PRKN: variants seen among roughly 807,000 people sequenced by gnomAD.
PRKN encodes parkin RBR E3 ubiquitin protein ligase, also known as E3 ubiquitin-protein ligase parkin.
A neutral mutation model predicts 59.5 loss-of-function variants in PRKN; 56 were observed. The observed-to-expected ratio is 0.94, with a 90% confidence interval of 0.76 to 1.18. The LOEUF (loss-of-function observed/expected upper bound fraction) is 1.18, where lower values mean the gene tolerates loss of function less well. Ranked by LOEUF, PRKN falls within the 50% of genes most tolerant of loss-of-function variation. The probability of loss-of-function intolerance (pLI) is 0.00; values close to 1 mark genes in which losing one functional copy is unlikely to be tolerated. For missense variants in PRKN, 657 were observed against 596.4 expected (o/e 1.10, Z -1.06); for synonymous variants, 250 against 222.1 (o/e 1.13, Z -1.12).
At position 161,530,512 on chromosome 6, in the gene PRKN, T is replaced by C. The variant is rs980783854; in HGVS notation, c.1083+18342A>G. On this transcript the variant is annotated intron_variant, in intron 9 of 11. Coordinates refer to ENST00000366898, the MANE Select transcript of PRKN (RefSeq NM_004562.3). The surrounding 1 kb of genome is among the most constrained non-coding windows in gnomAD (Gnocchi z 5.0). ...GACCTATACGGCTTGCTTCTTTTTT[T>C]CTTTTTTTCTTTTTTTTTTTTGAGA... Among the ~76,000 whole-genome samples the C allele has an allele frequency of 1.3e-5, 2 of 151,576 alleles. No homozygotes were observed. Among genetic ancestry groups the C allele is most frequent in the African/African-American group, 4.9e-5 (2 of 41,236 alleles).
chr6:162,146,044 C>T (rs1354351531), intron 4 of PRKN, among the ~76,000 whole-genome samples: 1 of 152,088 alleles, frequency 6.6e-6, no homozygotes, highest in Non-Finnish European at 1.5e-5. Flanking sequence ...AGCCTATGGT[C>T]CTTTTGTTAC....
chr6:161,750,118 T>TATATATATATAC (rs1269147499), intron 7 of PRKN, among the ~76,000 whole-genome samples: 40 of 137,820 alleles, frequency 2.9e-4, no homozygotes, highest in African/African-American at 8.6e-4. Flanking sequence ...TATATATATA[T>TATATATATATAC]ACACACACAC....
intron 4 of PRKN, among the ~76,000 whole-genome samples, chr6:162,094,416 T>A (rs1052064616): frequency 1.3e-5 from 2 of 152,046 alleles, no homozygotes; most frequent in African/African-American, 2.4e-5. Flanking sequence ...CCCAGGAGGT[T>A]GGGGCTGCAG....
intron 1 of PRKN, among the ~76,000 whole-genome samples, chr6:162,634,702 CA>C (rs1226643100): frequency 6.6e-6 from 1 of 152,182 alleles, no homozygotes; most frequent in African/African-American, 2.4e-5. Context: ...CAGCTCACTG[CA>C]ACCTCCGCCT....
intron 3 of PRKN, among the ~76,000 whole-genome samples, chr6:162,231,184 A>G (rs1174556426): frequency 1.3e-5 from 2 of 152,062 alleles, no homozygotes; most frequent in African/African-American, 4.8e-5. Flanking sequence ...CAAAGAAAAT[A>G]TTTCAGAGAG....
chr6:161,598,377 T>C (rs188975076), intron 7 of PRKN, among the ~76,000 whole-genome samples: 1 of 152,238 alleles, frequency 6.6e-6, no homozygotes, highest in East Asian at 1.9e-4. Flanking sequence ...ATTTTGTACA[T>C]CCAAATGTTA....
chr6:162,645,059 T>C (rs544485938), intron 1 of PRKN, among the ~76,000 whole-genome samples: 32 of 152,288 alleles, frequency 2.1e-4, no homozygotes, highest in African/African-American at 7.5e-4. Context: ...GGCTTATTAA[T>C]AGAGTATCTA....
At chr6:162,034,888 T>C (rs1783781211) in intron 5 of PRKN, among the ~76,000 whole-genome samples, 1 of 152,222 alleles carries the variant, frequency 6.6e-6, no homozygotes, top group Admixed American at 6.5e-5. Context: ...GCCGAGAGCT[T>C]ACATATGGAG....
At chr6:161,912,450 CTG>C (rs1778399781) in intron 6 of PRKN, among the ~76,000 whole-genome samples, 1 of 151,258 alleles carries the variant, frequency 6.6e-6, no homozygotes, top group South Asian at 2.1e-4. Context: ...GGGCCTGTGA[CTG>C]GCCTTCACCA....
intron 1 of PRKN, among the ~76,000 whole-genome samples, chr6:162,649,099 A>C (rs1778313549): frequency 6.6e-6 from 1 of 152,172 alleles, no homozygotes; most frequent in South Asian, 2.1e-4. Context: ...ATTCCTTAAC[A>C]TATATGTATA....
At chr6:162,467,404 GC>G (rs1296563466) in intron 1 of PRKN, among the ~76,000 whole-genome samples, 1 of 152,054 alleles carries the variant, frequency 6.6e-6, no homozygotes, top group Non-Finnish European at 1.5e-5. Context: ...ATCAGTGACT[GC>G]CCCCACTCCA....
chr6:161,369,307 G>T lies in PRKN; in HGVS notation c.1168-9102C>A, dbSNP rs1033756303. The stretch of plus-strand genomic sequence containing the variant: ...AGACTCTGGAGATTGGGATTCAGTA[G>T]GTCTGTGGCGGGGTACAGAAATTAG... On this transcript the variant is annotated intron_variant, in intron 10 of 11. Transcript: ENST00000366898. The surrounding 1 kb of genome is among the most constrained non-coding windows in gnomAD (Gnocchi z 5.8). Among the ~76,000 whole-genome samples the T allele has an allele frequency of 6.6e-5, 10 of 152,188 alleles. No individual in the cohort carries two copies. The highest frequency in any genetic ancestry group is 1.3e-4 in the Admixed American group (2 of 15,274).
intron 9 of PRKN, among the ~76,000 whole-genome samples, chr6:161,472,042 G>A (rs1790816030): frequency 6.6e-6 from 1 of 151,928 alleles, no homozygotes; most frequent in Non-Finnish European, 1.5e-5. Flanking sequence ...CTAGTATTTT[G>A]ACCATGTTAA....
At chr6:161,976,056 C>A (rs1781019589) in intron 5 of PRKN, among the ~76,000 whole-genome samples, 1 of 152,126 alleles carries the variant, frequency 6.6e-6, no homozygotes, top group South Asian at 2.1e-4. Flanking sequence ...CAGGCACCCG[C>A]CATCATGCCA....
rs1348416428 is a variant in PRKN, at chr6:161,498,961, ATTC to A, written c.1083+49890_1083+49892del. On this transcript the variant is annotated intron_variant, in intron 9 of 11. Coordinates refer to ENST00000366898, the MANE Select transcript of PRKN (RefSeq NM_004562.3). This position sits in a 1 kb window ranked among gnomAD's most constrained non-coding sequence, Gnocchi z 4.2. ...TGTATGGGGATGGGGGAGGATTGAG[ATTC>A]TTCTTTATCTTCTACTGAAGCCCCC... Among the ~76,000 whole-genome samples the A allele has an allele frequency of 6.6e-6, 1 of 152,036 alleles. No homozygotes were observed. Among genetic ancestry groups the A allele is most frequent in the Non-Finnish European group, 1.5e-5 (1 of 68,008 alleles).
intron 6 of PRKN, among the ~76,000 whole-genome samples, chr6:161,902,029 C>T (rs1777936470): frequency 6.6e-6 from 1 of 152,176 alleles, no homozygotes; most frequent in Non-Finnish European, 1.5e-5. Flanking sequence ...CCGAATGGTA[C>T]TTTCTTCCCA....
intron 9 of PRKN, among the ~76,000 whole-genome samples, chr6:161,541,398 A>G (rs1170675266): frequency 6.6e-6 from 1 of 152,240 alleles, no homozygotes; most frequent in African/African-American, 2.4e-5. Context: ...TCTTCACAAG[A>G]AGTCTGTTTT....
intron 9 of PRKN, among the ~76,000 whole-genome samples, chr6:161,539,756 G>A (rs1376162734): frequency 6.6e-6 from 1 of 152,116 alleles, no homozygotes; most frequent in Non-Finnish European, 1.5e-5. Flanking sequence ...CCCAAAGGCA[G>A]CCACTGTTCC....
intron 1 of PRKN, among the ~76,000 whole-genome samples, chr6:162,721,370 A>G (rs1432689086): frequency 6.6e-6 from 1 of 152,226 alleles, no homozygotes; most frequent in Non-Finnish European, 1.5e-5. Context: ...ACTGCCACAG[A>G]CATCTTTCTA....
Sources: allele counts gnomAD v4.1 joint callset (sites outside exome capture counted in the v4.1 genomes callset), GRCh38; gene constraint gnomAD v4.1.1; non-coding constraint Gnocchi (gnomAD v3.1); transcripts MANE v1.5; gene names NCBI Gene and HGNC (gene_info 2026-07-23, HGNC 2026-07-21).